The following GTF2E2 variants were observed in gnomAD, a reference collection of about 807,000 sequenced individuals.
The protein encoded by GTF2E2 is transcription initiation factor IIE subunit beta.
GTF2E2 carries 21 observed loss-of-function variants against 40.5 expected under a neutral mutation model. The ratio of observed to expected loss-of-function variants is 0.52; its 90% CI spans 0.37 to 0.75. The LOEUF is 0.75. Ranked by LOEUF, GTF2E2 falls within the 30% of genes least tolerant of loss-of-function variation. The pLI is 0.00. For missense variants in GTF2E2, 298 were observed against 338.4 expected (o/e 0.88, Z 0.94); for synonymous variants, 117 against 121.6 (o/e 0.96, Z 0.25).
At chr8:30,605,662 T>C (rs954730310) in intron 6 of GTF2E2, among the ~76,000 whole-genome samples, 1 of 151,596 alleles carries the variant, frequency 6.6e-6, no homozygotes, top group African/African-American at 2.4e-5. Context: ...TCTTAAATGG[T>C]TTTTAACTTT....
In GTF2E2 at chr8:30,612,507, T is replaced by C. The variant is rs369556665; in HGVS notation, c.367-26A>G. ...CTGTAACAGTGATACAATTGGAATATATTAACAAATGGAACATAAATATAT... is the reference window on the plus strand; with the variant it reads ...CTGTAACAGTGATACAATTGGAATACATTAACAAATGGAACATAAATATAT... On this transcript the variant is annotated intron_variant, in intron 4 of 7. Transcript: ENST00000355904. 10 of 1,349,210 alleles carry C rather than the reference T, an allele frequency of 7.4e-6. No individual in the cohort carries two copies. In the African/African-American group the frequency reaches 1.5e-4, roughly 20 times the overall value. The allele number at this position is 1,349,210 out of a possible 1,614,324, so 83.6% of individuals were successfully genotyped here.
intron 3 of GTF2E2, among the ~76,000 whole-genome samples, chr8:30,618,294 G>A (rs1029129810): frequency 7.0e-6 from 1 of 143,010 alleles, no homozygotes; most frequent in Admixed American, 6.9e-5. Flanking sequence ...CGGGGGGCGG[G>A]GGGGAGTTAC....
intron 2 of GTF2E2, 100 bp from the exon 3 acceptor site, chr8:30,635,223 T>C: frequency 1.5e-6 from 1 of 668,922 alleles, no homozygotes; most frequent in Non-Finnish European, 2.6e-6. Flanking sequence ...TCTTGAGTTT[T>C]TCATCTAGTA....
chr8:30,640,081 A>G (rs968957265), intron 2 of GTF2E2, among the ~76,000 whole-genome samples: 1 of 152,146 alleles, frequency 6.6e-6, no homozygotes, highest in African/African-American at 2.4e-5. Flanking sequence ...ATCAGCCTGC[A>G]TTTTGCTTGG....
intron 3 of GTF2E2, among the ~76,000 whole-genome samples, chr8:30,624,174 G>C (rs1391031358): frequency 6.6e-6 from 1 of 152,072 alleles, no homozygotes; most frequent in Non-Finnish European, 1.5e-5. Context: ...AATCCATCTT[G>C]AATTAATTTT....
At chr8:30,613,447 C>A (rs936069849) in intron 4 of GTF2E2, among the ~76,000 whole-genome samples, 5 of 152,146 alleles carry the variant, frequency 3.3e-5, no homozygotes, top group Admixed American at 2.6e-4. Context: ...AAAAGAGCAA[C>A]CCTATATATT....
intron 6 of GTF2E2, among the ~76,000 whole-genome samples, chr8:30,601,653 T>G (rs1164522243): frequency 6.6e-6 from 1 of 152,158 alleles, no homozygotes; most frequent in African/African-American, 2.4e-5. Context: ...AAAATACCAG[T>G]TTATAACAAT....
chr8:30,619,426 G>A (rs1328189622), intron 3 of GTF2E2, among the ~76,000 whole-genome samples: 1 of 148,642 alleles, frequency 6.7e-6, no homozygotes, highest in Non-Finnish European at 1.5e-5. Flanking sequence ...TTCGCTCTTG[G>A]TGCCCACGCT....
intron 6 of GTF2E2, among the ~76,000 whole-genome samples, chr8:30,599,652 A>G (rs978684589): frequency 2.0e-5 from 3 of 151,862 alleles, no homozygotes; most frequent in Non-Finnish European, 1.5e-5. Context: ...ATTGTTTTAG[A>G]GTATATCAAC....
intron 6 of GTF2E2, among the ~76,000 whole-genome samples, chr8:30,606,231 A>G (rs74371425): frequency 1.5e-4 from 23 of 152,334 alleles, no homozygotes; most frequent in African/African-American, 5.1e-4. Flanking sequence ...AAGATACTCA[A>G]TTGGGATTTT....
At chr8:30,624,198 AG>A (rs1484806246) in intron 3 of GTF2E2, among the ~76,000 whole-genome samples, 1 of 152,146 alleles carries the variant, frequency 6.6e-6, no homozygotes, top group Non-Finnish European at 1.5e-5. Context: ...ATACGGTGTA[AG>A]GAAGGGATCC....
intron 2 of GTF2E2, among the ~76,000 whole-genome samples, chr8:30,642,907 T>C (rs1801901869): frequency 6.6e-6 from 1 of 152,194 alleles, no homozygotes; most frequent in African/African-American, 2.4e-5. Flanking sequence ...TAAGGGGACC[T>C]GAAAATATTT....
In GTF2E2 at chr8:30,612,298, C is replaced by T; in HGVS notation, c.549+1G>A. On this transcript the variant is annotated splice_donor_variant, in intron 5 of 7. Coordinates refer to ENST00000355904, the MANE Select transcript of GTF2E2 (RefSeq NM_002095.6). LOFTEE classifies it high-confidence loss of function. ...AGACATAGAAAGAAAAGAGAGATTA[C>T]CTTGACAGCTTTCTGGGAATTGGGC... 1 of 1,579,494 alleles carries T rather than the reference C, an allele frequency of 6.3e-7. No individual in the cohort carries two copies.
intron 2 of GTF2E2, among the ~76,000 whole-genome samples, chr8:30,648,987 C>T (rs974283398): frequency 2.6e-5 from 4 of 152,198 alleles, no homozygotes; most frequent in African/African-American, 7.2e-5. Context: ...CTACCCAATA[C>T]CTGTAGCCTA....
intron 6 of GTF2E2, among the ~76,000 whole-genome samples, chr8:30,599,913 G>A (rs938433612): frequency 6.6e-6 from 1 of 152,112 alleles, no homozygotes; most frequent in Non-Finnish European, 1.5e-5. Context: ...AACCCAGGGG[G>A]CAGAGGTTGC....
chr8:30,619,381 A>C (rs1314908932), intron 3 of GTF2E2, among the ~76,000 whole-genome samples: 1 of 147,574 alleles, frequency 6.8e-6, no homozygotes, highest in African/African-American at 2.6e-5. Context: ...TATATTTTGC[A>C]TAAACTGACT....
At chr8:30,644,850 A>G (rs1802006435) in intron 2 of GTF2E2, among the ~76,000 whole-genome samples, 1 of 151,780 alleles carries the variant, frequency 6.6e-6, no homozygotes, top group African/African-American at 2.4e-5. Context: ...TCCCTGGCTC[A>G]AGCAATCTTC....
At chr8:30,603,486 ACAGT>A (rs141332769) in intron 6 of GTF2E2, among the ~76,000 whole-genome samples, 4,802 of 152,242 alleles carry the variant, frequency 0.032, 109 homozygotes, top group Non-Finnish European at 0.048. Context: ...AGAGGTTATG[ACAGT>A]CAGATGGGAA....
intron 3 of GTF2E2, among the ~76,000 whole-genome samples, chr8:30,616,387 G>A (rs1585968394): frequency 6.6e-6 from 1 of 152,072 alleles, no homozygotes; most frequent in Non-Finnish European, 1.5e-5. Flanking sequence ...AGTGAGCCAA[G>A]ATCAAGCCAT....
Sources: allele counts gnomAD v4.1 joint callset (sites outside exome capture counted in the v4.1 genomes callset), GRCh38; gene constraint gnomAD v4.1.1; transcripts MANE v1.5; gene names NCBI Gene and HGNC (gene_info 2026-07-23, HGNC 2026-07-21).